The following DTX3L variants were observed in gnomAD, a reference collection of about 807,000 sequenced individuals.
DTX3L encodes E3 ubiquitin-protein ligase DTX3L.
A neutral mutation model predicts 60.9 loss-of-function variants in DTX3L; 34 were observed. The ratio of observed to expected loss-of-function variants is 0.56; its 90% CI spans 0.42 to 0.74. The LOEUF (loss-of-function observed/expected upper bound fraction) is 0.74, where lower values mean the gene tolerates loss of function less well. DTX3L is among the 30% of genes least tolerant of loss of function. DTX3L has a pLI of 0.00. For missense variants in DTX3L, 810 were observed against 874.0 expected (o/e 0.93, Z 0.92); for synonymous variants, 290 against 316.6 (o/e 0.92, Z 0.89).
At chr3:122,566,524 A>G (rs1367062419) in intron 2 of DTX3L, among the ~76,000 whole-genome samples, 2 of 141,248 alleles carry the variant, frequency 1.4e-5, no homozygotes, top group Non-Finnish European at 3.2e-5. Context: ...CACTACACCC[A>G]GCCAATTTTT....
rs1439054447 is a variant in DTX3L at position 122,570,635 on chromosome 3, A to G, written c.2116A>G (p.Ile706Val). Residue 706 changes from isoleucine (I) to valine (V), a missense_variant, in exon 4 of 5, where the codon ATT (isoleucine) becomes GTT (valine). By Grantham distance (29) the Ile-to-Val change is conservative. Coordinates refer to ENST00000296161, the MANE Select transcript of DTX3L (RefSeq NM_138287.3). ...GVSDVITWND[I>V]HHKTSRFGGP... is the part of the protein sequence containing the mutation. Reference sequence around the variant, plus strand: ...CTCAGATGTCATCACTTGGAATGATATTCACCACAAAACATCCCGGTTTGG... The same window carrying G: ...CTCAGATGTCATCACTTGGAATGATGTTCACCACAAAACATCCCGGTTTGG... 6.2e-7 allele frequency: 1 copy of G among 1,614,082 alleles called. No individual in the cohort carries two copies. Among genetic ancestry groups the G allele is most frequent in the African/African-American group, 1.3e-5 (1 of 74,946 alleles).
In DTX3L at chr3:122,565,921, A is replaced by G. The variant is rs1240852997; in HGVS notation, c.250A>G (p.Ile84Val). 8 of 1,614,170 alleles carry G rather than the reference A, an allele frequency of 5.0e-6. No homozygotes were observed. Among genetic ancestry groups the G allele is most frequent in the Non-Finnish European group, 6.8e-6 (8 of 1,180,026 alleles). ...ACTTGTTGACGAAAAACCTGTGCCCATTTTCCTGGTACCCACTGAAAATTC... is the reference window on the plus strand; with the variant it reads ...ACTTGTTGACGAAAAACCTGTGCCCGTTTTCCTGGTACCCACTGAAAATTC... The part of the protein sequence containing the change: ...QILVDEKPVP[I>V]FLVPTENSIK... Residue 84 changes from isoleucine to valine, a missense_variant, in exon 2 of 5, where the codon ATT becomes GTT. Transcript: ENST00000296161.
chr3:122,568,152 A>T (rs924755222), intron 2 of DTX3L, among the ~76,000 whole-genome samples: 2 of 152,156 alleles, frequency 1.3e-5, no homozygotes, highest in Admixed American at 6.5e-5. Context: ...TCTACTAAAG[A>T]TACAAAATTA....
In DTX3L at chr3:122,571,825, T is replaced by A; in HGVS notation, c.*78T>A. The A allele has an allele frequency of 8.0e-7, 1 of 1,246,502 alleles. No homozygotes were observed. The highest frequency in any genetic ancestry group is 1.1e-6 in the Non-Finnish European group (1 of 890,220). The allele number at this position is 1,246,502 out of a possible 1,614,324, so 77.2% of individuals were successfully genotyped here. On this transcript the variant is annotated 3_prime_UTR_variant, in exon 5 of 5. Transcript: ENST00000296161. ...GAGGCTGATTTAATGCCAGTCTAAA[T>A]CCTTATGTAGAAAGGACTTTGAAAT...
In DTX3L at chr3:122,564,388, G is replaced by GCCTCCCGGAGCCCCCGCGC; in HGVS notation, c.-31_-13dup. The GCCTCCCGGAGCCCCCGCGC allele has an allele frequency of 6.3e-7, 1 of 1,576,972 alleles. No homozygotes were observed. On this transcript the variant is annotated 5_prime_UTR_variant, in exon 1 of 5. Transcript: ENST00000296161. ...CGGGCCGCGCCTTTACCGCCCAGCT[G>GCCTCCCGGAGCCCCCGCGC]CCTCCCGGAGCCCCCGCGCCCTCCC...
At chr3:122,565,619 C>G (rs1160821762) in intron 1 of DTX3L, among the ~76,000 whole-genome samples, 1 of 151,028 alleles carries the variant, frequency 6.6e-6, no homozygotes, top group Non-Finnish European at 1.5e-5. Flanking sequence ...GATGTTTAAT[C>G]GGTGGACAAT....
Position 122,564,437 on chromosome 3 carries a change from AC to A in DTX3L, c.13del (p.Leu5CysfsTer64). The stretch of plus-strand genomic sequence containing the variant: ...CCGACGCGCAGAGCCATGGCCTCCC[AC>A]CTGCGCCCGCCGTCCCCGCTCCTCG... MAS[H>X]LRPPSPLLVR... On this transcript the variant is annotated frameshift_variant, in exon 1 of 5. Coordinates refer to ENST00000296161, the MANE Select transcript of DTX3L (RefSeq NM_138287.3). LOFTEE classifies it high-confidence loss of function. 6.2e-7 allele frequency: 1 copy of A among 1,610,228 alleles called. No individual in the cohort carries two copies. The highest frequency in any genetic ancestry group is 8.5e-7 in the Non-Finnish European group (1 of 1,178,736).
At chr3:122,565,104 G>A (rs1306727175) in intron 1 of DTX3L, among the ~76,000 whole-genome samples, 1 of 152,206 alleles carries the variant, frequency 6.6e-6, no homozygotes, top group Admixed American at 6.5e-5. Context: ...ACCATTTGGT[G>A]TATTTCCTTC....
intron 2 of DTX3L, among the ~76,000 whole-genome samples, chr3:122,566,307 T>C (rs2080590524): frequency 6.6e-6 from 1 of 152,098 alleles, no homozygotes; most frequent in South Asian, 2.1e-4. Flanking sequence ...AATAAAACCA[T>C]TTTATTTATT....
Position 122,569,656 on chromosome 3 carries a change from G to T in DTX3L, c.1567G>T (p.Gly523Cys). The change falls in exon 3 of 5, where the codon GGT becomes TGT. Residue 523 changes from glycine (G) to cysteine (C), a missense_variant. Physicochemically the swap from Gly to Cys is radical, Grantham distance 159. Coordinates refer to ENST00000296161, the MANE Select transcript of DTX3L (RefSeq NM_138287.3). Reference protein sequence around the residue: ...SSLAGKKLKEGHETPMDIDSD... With the variant: ...SSLAGKKLKECHETPMDIDSD... ...ATTGGCTGGAAAGAAATTGAAAGAG[G>T]GTCATGAAACACCGATGGACATTGA... 1.2e-6 allele frequency: 2 copies of T among 1,614,124 alleles called. No individual in the cohort carries two copies. Among genetic ancestry groups the T allele is most frequent in the Non-Finnish European group, 1.7e-6 (2 of 1,180,014 alleles).
intron 2 of DTX3L, among the ~76,000 whole-genome samples, chr3:122,568,268 C>T (rs1006559212): frequency 1.3e-5 from 2 of 152,020 alleles, no homozygotes; most frequent in Non-Finnish European, 2.9e-5. Context: ...GAGATCGCGC[C>T]ATTGCACTCC....
Position 122,565,864 on chromosome 3 carries a change from G to A in DTX3L, c.193G>A (p.Glu65Lys). ...GTTTAATGTCTCCACTGAAGCTAAG[G>A]AGAGAGTGTTGAAAAAAGGAGAGCA... ...RVEFSERAAK[E>K]RVLKKGEHQI... Residue 65 changes from glutamate (E) to lysine (K), a missense_variant, in exon 2 of 5, where the codon GAG becomes AAG. Coordinates refer to ENST00000296161, the MANE Select transcript of DTX3L (RefSeq NM_138287.3). 1 of 1,614,002 alleles carries A rather than the reference G, an allele frequency of 6.2e-7. No homozygotes were observed. The highest frequency in any genetic ancestry group is 8.5e-7 in the Non-Finnish European group (1 of 1,179,986).
chr3:122,570,714 A>G, intron 4 of DTX3L, 42 bp downstream of exon 4: 2 of 1,602,200 alleles, frequency 1.2e-6, no homozygotes, highest in Non-Finnish European at 1.7e-6. Context: ...AACAGAGTAT[A>G]GGGATTATGA....
At position 122,568,471 on chromosome 3, in the gene DTX3L, T is replaced by C. The variant is rs759513598; in HGVS notation, c.400-18T>C. 1.9e-6 allele frequency: 3 copies of C among 1,575,388 alleles called. No homozygotes were observed. The highest frequency in any genetic ancestry group is 1.4e-5 in the African/African-American group (1 of 73,458). On this transcript the variant is annotated intron_variant, in intron 2 of 4. Transcript: ENST00000296161. ...TGCTGAGAGGTTTTATTTGTTCCTG[T>C]TCCTTTTAAAATTTCAGATCTTTCT...
Position 122,568,835 on chromosome 3 carries a change from T to A in DTX3L, c.746T>A (p.Ile249Asn), listed in dbSNP as rs747299431. The A allele has an allele frequency of 6.2e-7, 1 of 1,614,106 alleles. No individual in the cohort carries two copies. Among genetic ancestry groups the A allele is most frequent in the Non-Finnish European group, 8.5e-7 (1 of 1,180,028 alleles). The change falls in exon 3 of 5, where the codon ATC (isoleucine) becomes AAC (asparagine). Residue 249 changes from isoleucine (I) to asparagine (N), a missense_variant. Ile to Asn is a moderately radical substitution (Grantham distance 149). Coordinates refer to ENST00000296161, the MANE Select transcript of DTX3L (RefSeq NM_138287.3). The part of the protein sequence containing the change: ...PLPYFEYFKY[I>N]CPDKINSIEK... ...CCTTACTTTGAATACTTTAAATATA[T>A]CTGTCCTGATAAAATCAACTCAATA...
intron 1 of DTX3L, 42 bp from the exon 2 acceptor site, chr3:122,565,817 T>A (rs1362243290): frequency 1.3e-6 from 2 of 1,584,442 alleles, no homozygotes; most frequent in South Asian, 2.2e-5. Flanking sequence ...TCTCTCCCAT[T>A]TTTATGTGTG....
chr3:122,567,745 G>A (rs906531122), intron 2 of DTX3L, among the ~76,000 whole-genome samples: 8 of 152,122 alleles, frequency 5.3e-5, no homozygotes, highest in African/African-American at 1.9e-4. Flanking sequence ...TTTTGTGAGG[G>A]CCACAACAAC....
chr3:122,569,227 G>A lies in DTX3L; in HGVS notation c.1138G>A (p.Val380Ile). 1 of 1,614,180 alleles carries A rather than the reference G, an allele frequency of 6.2e-7. No homozygotes were observed. The highest frequency in any genetic ancestry group is 1.1e-5 in the South Asian group (1 of 91,084). Residue 380 changes from valine to isoleucine, a missense_variant, in exon 3 of 5, where the codon GTT becomes ATT. By Grantham distance (29) the Val-to-Ile change is conservative. Transcript: ENST00000296161. ...CAATTACATGATGAATGTAATTGAG[G>A]TTGATAGTGCCCACTATAAACTTTT... ...AANYMMNVIEVDSAHYKLLET... is the reference protein window; with the variant it reads ...AANYMMNVIEIDSAHYKLLET...
rs1242373219 is a variant in DTX3L, at chr3:122,568,762, C to T, written c.673C>T (p.Pro225Ser). ...GGACAGCTGCATTTCTCCTTCTGAA[C>T]CAGAAACCAAGGCAGAACAAAAAAG... ...ERDSCISPSE[P>S]ETKAEQKSNY... Residue 225 changes from proline to serine, a missense_variant, in exon 3 of 5, where the codon CCA becomes TCA. Physicochemically the swap from Pro to Ser is moderately conservative, Grantham distance 74. Transcript: ENST00000296161. 5.0e-6 allele frequency: 8 copies of T among 1,613,988 alleles called. No individual in the cohort carries two copies. Among genetic ancestry groups the T allele is most frequent in the Non-Finnish European group, 6.8e-6 (8 of 1,180,040 alleles).
Sources: gnomAD v4.1 joint callset for allele counts (sites outside exome capture counted in the v4.1 genomes callset) on GRCh38, gnomAD v4.1.1 for gene constraint, MANE v1.5 for transcripts, NCBI Gene and HGNC (gene_info 2026-07-23, HGNC 2026-07-21) for gene names.